The following TP53I11 variants were observed in gnomAD, a reference collection of about 807,000 sequenced individuals.
TP53I11 encodes the protein tumor protein p53-inducible protein 11.
In TP53I11, 9 loss-of-function variants were observed where a neutral mutation model predicts 23.3. The observed-to-expected ratio is 0.39, with a 90% confidence interval of 0.23 to 0.67. The LOEUF (loss-of-function observed/expected upper bound fraction) is 0.67, where lower values mean the gene tolerates loss of function less well. Among genes scored for constraint, TP53I11 ranks in the 30% least tolerant of loss-of-function variants. The probability of loss-of-function intolerance (pLI) is 0.48; values close to 1 mark genes in which losing one functional copy is unlikely to be tolerated. For synonymous variants in TP53I11, 100 were observed against 106.1 expected (o/e 0.94, Z 0.35); for missense variants, 170 against 255.2 (o/e 0.67, Z 2.27).
At chr11:44,938,128 C>T in intron 2 of TP53I11, 79 bp downstream of exon 2, 1 of 1,487,880 alleles carries the variant, frequency 6.7e-7, no homozygotes, top group South Asian at 1.3e-5. Context: ...CTACCTGGGC[C>T]TGGGCTAACC....
At position 44,935,553 on chromosome 11, in the gene TP53I11, G is replaced by A. The variant is rs1361033939; in HGVS notation, c.436+8C>T. 6.2e-7 allele frequency: 1 copy of A among 1,613,846 alleles called. No homozygotes were observed. The highest frequency in any genetic ancestry group is 8.5e-7 in the Non-Finnish European group (1 of 1,179,796). ...TCAGCCTCCCTCACTGCCCACCTCA[G>A]GACTCACCCAAGAACTGGACCCCGA... On this transcript the variant is annotated splice_region_variant and intron_variant, in intron 6 of 6. Transcript: ENST00000525680.
In TP53I11 at chr11:44,938,350, C is replaced by G. The variant is rs377731872; in HGVS notation, c.-15G>C. On this transcript the variant is annotated 5_prime_UTR_variant, in exon 2 of 7. Coordinates refer to ENST00000525680, the MANE Select transcript of TP53I11 (RefSeq NM_006034.5). Reference sequence around the variant, plus strand: ...TTGGCCGCCATCTTCTCCTCCAGCCCGGCCTCTGCAGAAGGGCTGAGGGGA... The same window carrying G: ...TTGGCCGCCATCTTCTCCTCCAGCCGGGCCTCTGCAGAAGGGCTGAGGGGA... 1 of 1,584,660 alleles carries G rather than the reference C, an allele frequency of 6.3e-7. No homozygotes were observed. Among genetic ancestry groups the G allele is most frequent in the Non-Finnish European group, 8.6e-7 (1 of 1,166,382 alleles).
intron 1 of TP53I11, among the ~76,000 whole-genome samples, chr11:44,944,596 G>A (rs75636861): frequency 0.022 from 3,414 of 152,290 alleles, 135 homozygotes; most frequent in African/African-American, 0.079. Flanking sequence ...AGACAGGGAG[G>A]TGGTAAGCAT....
chr11:44,937,122 GT>G, intron 4 of TP53I11, 181 bp downstream of exon 4: 2 of 826,506 alleles, frequency 2.4e-6, no homozygotes, highest in Non-Finnish European at 3.9e-6. Flanking sequence ...GGGATCTAGT[GT>G]GCTCCTGGAG....
Position 44,934,831 on chromosome 11 carries a change from C to T in TP53I11, c.*53G>A. On this transcript the variant is annotated 3_prime_UTR_variant, in exon 7 of 7. Coordinates refer to ENST00000525680, the MANE Select transcript of TP53I11 (RefSeq NM_006034.5). ...TCCAGGAGCCAAAGGGAAGCCGAGG[C>T]CCCAGCGCCACTCTGGCCCAGGCAT... is the stretch of plus-strand genomic sequence containing the variant. 2.5e-6 allele frequency: 4 copies of T among 1,608,944 alleles called. No individual in the cohort carries two copies. Among genetic ancestry groups the T allele is most frequent in the Admixed American group, 1.7e-5 (1 of 59,654 alleles).
chr11:44,938,703 G>C (rs1015237964), intron 1 of TP53I11, among the ~76,000 whole-genome samples: 1 of 152,176 alleles, frequency 6.6e-6, no homozygotes, highest in African/African-American at 2.4e-5. Flanking sequence ...TTCCTGGGGG[G>C]ATGGGGAGGA....
At chr11:44,946,539 G>A (rs571721423) in intron 1 of TP53I11, among the ~76,000 whole-genome samples, 21 of 152,326 alleles carry the variant, frequency 1.4e-4, no homozygotes, top group African/African-American at 4.3e-4. Flanking sequence ...TGCGAGTCCC[G>A]TGGCAGTGGC....
At chr11:44,951,241 G>C (rs978577601), upstream of TP53I11, 1 of 152,660 alleles carries the variant, frequency 6.6e-6, no homozygotes, top group Admixed American at 6.5e-5. Flanking sequence ...GGTGTCTCCC[G>C]GGCCCAGGCC....
rs4573667 is a variant in TP53I11, at chr11:44,937,340, G to A, written c.201C>T (p.Phe67=). Residue 67 remains phenylalanine, a synonymous_variant, in exon 4 of 7, where the codon TTC becomes TTT. Coordinates refer to ENST00000525680, the MANE Select transcript of TP53I11 (RefSeq NM_006034.5). Reference sequence around the variant, plus strand: ...TGCCGGAGAAGAGCACAGCAGAGACGAACTGCCAGACCCTGGGAGGCGTGG... The same window carrying A: ...TGCCGGAGAAGAGCACAGCAGAGACAAACTGCCAGACCCTGGGAGGCGTGG... ...REPLGLRVWQ[F]VSAVLFSGIA... is the part of the protein sequence containing the mutation. 2.0e-5 allele frequency: 30 copies of A among 1,484,078 alleles called. No homozygotes were observed. In the African/African-American group the frequency reaches 3.3e-4, roughly 16 times the overall value. 91.9% of individuals were successfully genotyped at this position (1,484,078 alleles called of 1,614,324 possible). A position where few individuals can be genotyped will look rare whatever the true frequency, so the allele number is the denominator to read the frequency against.
At chr11:44,935,842 C>T in intron 5 of TP53I11, 180 bp from the exon 6 acceptor site, 1 of 607,350 alleles carries the variant, frequency 1.6e-6, no homozygotes, top group South Asian at 1.9e-5. Flanking sequence ...ATCCTGTCCC[C>T]TCCAGACTCA....
intron 1 of TP53I11, among the ~76,000 whole-genome samples, chr11:44,944,956 T>C (rs949686150): frequency 3.3e-5 from 5 of 152,220 alleles, no homozygotes; most frequent in African/African-American, 9.6e-5. Flanking sequence ...CTGGTTTCTA[T>C]AGAAACAGAT....
intron 4 of TP53I11, 167 bp downstream of exon 4, chr11:44,937,137 G>T (rs908117911): frequency 3.4e-6 from 3 of 875,126 alleles, no homozygotes; most frequent in Non-Finnish European, 1.8e-6. Context: ...CCTGGAGAAG[G>T]CACAGGCGTG....
Position 44,935,491 on chromosome 11 carries a change from G to A in TP53I11, c.436+70C>T. 2.1e-6 allele frequency: 3 copies of A among 1,409,794 alleles called. No homozygotes were observed. In the South Asian group the frequency reaches 3.5e-5, roughly 16 times the overall value. The allele number at this position is 1,409,794 out of a possible 1,614,324, so 87.3% of individuals were successfully genotyped here. The stretch of plus-strand genomic sequence containing the variant: ...TTTTCATCACTTCCCACACACCCAG[G>A]TGGCTAGAGCAGGCAGGTCAGGGGC... On this transcript the variant is annotated intron_variant, in intron 6 of 6. Transcript: ENST00000525680.
chr11:44,941,516 C>T (rs781358176), intron 1 of TP53I11, among the ~76,000 whole-genome samples: 6 of 152,160 alleles, frequency 3.9e-5, no homozygotes, highest in Admixed American at 1.3e-4. Context: ...AGGTCAGTCA[C>T]TTAACCTCTA....
chr11:44,949,827 C>T (rs1437329006), intron 1 of TP53I11: 1 of 152,492 alleles, frequency 6.6e-6, no homozygotes, highest in Non-Finnish European at 1.5e-5. Context: ...GCGTCTCCAC[C>T]TGTGCGTCCC....
intron 1 of TP53I11, chr11:44,939,340 T>C (rs1228777303): frequency 6.6e-6 from 1 of 151,322 alleles, no homozygotes; most frequent in African/African-American, 2.4e-5. Context: ...GCTCCCGGGG[T>C]TTCAATGCCA....
Position 44,934,182 on chromosome 11 carries a change from T to G in TP53I11, c.*702A>C, listed in dbSNP as rs888707831. ...CTTCTAGCTGTGTGTGGCCCATTCTTGAAGAATGGCTGAAAGGGAGGTGCC... is the reference window on the plus strand; with the variant it reads ...CTTCTAGCTGTGTGTGGCCCATTCTGGAAGAATGGCTGAAAGGGAGGTGCC... On this transcript the variant is annotated 3_prime_UTR_variant, in exon 7 of 7. Transcript: ENST00000525680. 3 of 152,578 alleles carry G rather than the reference T, an allele frequency of 2.0e-5. No homozygotes were observed. The highest frequency in any genetic ancestry group is 7.2e-5 in the African/African-American group (3 of 41,450). The allele number at this position is 152,578 out of a possible 1,614,324, so 9.5% of individuals were successfully genotyped here.
intron 6 of TP53I11, 60 bp from the exon 7 acceptor site, chr11:44,935,077 C>G (rs1860933849): frequency 6.2e-7 from 1 of 1,601,140 alleles, no homozygotes; most frequent in South Asian, 1.1e-5. Context: ...CCCAGCGCTG[C>G]CCCCCTAGCC....
chr11:44,937,405 T>G (rs1861270284), intron 3 of TP53I11, 53 bp from the exon 4 acceptor site: 1 of 1,485,094 alleles, frequency 6.7e-7, no homozygotes, highest in Non-Finnish European at 9.0e-7. Context: ...CCCTCCCCTC[T>G]CCAGCCCAGA....
Sources: allele counts gnomAD v4.1 joint callset (sites outside exome capture counted in the v4.1 genomes callset), GRCh38; gene constraint gnomAD v4.1.1; transcripts MANE v1.5; gene names NCBI Gene and HGNC (gene_info 2026-07-23, HGNC 2026-07-21).